Variants in CNTRL observed in about 807,000 individuals in gnomAD.
CNTRL encodes the protein centriolin.
In CNTRL, 233 loss-of-function variants were observed where a neutral mutation model predicts 303.7. The ratio of observed to expected loss-of-function variants is 0.77; its 90% CI spans 0.69 to 0.86. CNTRL has a LOEUF of 0.86. CNTRL is among the 40% of genes least tolerant of loss of function. The pLI is 0.00. For missense variants in CNTRL, 2,524 were observed against 2,650.6 expected (o/e 0.95, Z 1.05); for synonymous variants, 900 against 922.2 (o/e 0.98, Z 0.44).
rs1293049194 is a variant in CNTRL, at chr9:121,154,849, A to G, written c.4301A>G (p.Glu1434Gly). The change falls in exon 27 of 44, where the codon GAG becomes GGG. Residue 1434 changes from glutamate to glycine, a missense_variant. By Grantham distance (98) the Glu-to-Gly change is moderately conservative. Coordinates refer to ENST00000373855, the MANE Select transcript of CNTRL (RefSeq NM_007018.6). ...AAGACTCTTCTGAAACGTCGCTCAG[A>G]GCTCAGGGAAGCTGACCGACTCCTG... ...IEKTLLKRRS[E>G]LREADRLLAE... The G allele has an allele frequency of 6.2e-7, 1 of 1,614,074 alleles. No homozygotes were observed. The highest frequency in any genetic ancestry group is 1.3e-5 in the African/African-American group (1 of 74,938).
At chr9:121,130,564 A>G (rs1455510932) in intron 14 of CNTRL, among the ~76,000 whole-genome samples, 1 of 151,614 alleles carries the variant, frequency 6.6e-6, no homozygotes, top group Admixed American at 6.6e-5. Context: ...TATTTTGTTG[A>G]TCTTTTCAAA....
chr9:121,119,356 C>T (rs921753366), intron 12 of CNTRL, among the ~76,000 whole-genome samples: 4 of 148,252 alleles, frequency 2.7e-5, no homozygotes, highest in African/African-American at 1.0e-4. Context: ...AGTGCAGTGG[C>T]GCAATCTCCG....
chr9:121,135,113 T>G (rs548627388), intron 14 of CNTRL, among the ~76,000 whole-genome samples: 1 of 152,212 alleles, frequency 6.6e-6, no homozygotes, highest in Admixed American at 6.5e-5. Flanking sequence ...TAAGGTTTAA[T>G]CACAAAACAC....
chr9:121,137,317 A>G (rs1364772508), intron 15 of CNTRL, among the ~76,000 whole-genome samples: 1 of 152,160 alleles, frequency 6.6e-6, no homozygotes, highest in Non-Finnish European at 1.5e-5. Context: ...TATCATGCAT[A>G]TGATGATCAT....
intron 8 of CNTRL, chr9:121,111,328 A>G (rs2049737994): frequency 6.6e-6 from 1 of 152,128 alleles, no homozygotes; most frequent in African/African-American, 2.4e-5. Context: ...GGTGGTTGTG[A>G]AGATTTAGTG....
intron 3 of CNTRL, among the ~76,000 whole-genome samples, chr9:121,089,746 A>G (rs150066854): frequency 2.6e-5 from 4 of 152,332 alleles, no homozygotes; most frequent in African/African-American, 9.6e-5. Flanking sequence ...TCATATAGTT[A>G]AAAGTGCAAG....
Position 121,157,841 on chromosome 9 carries a change from TC to T in CNTRL, c.4600del (p.Gln1534AsnfsTer3). Reference sequence around the variant, plus strand: ...ATTGTAGCAGCAAAAGACTCAGACTTCCAATGTTTAAGCAAGAAGAAGGAAA... The same window carrying T: ...ATTGTAGCAGCAAAAGACTCAGACTTCAATGTTTAAGCAAGAAGAAGGAAA... ...NKIVAAKDSD[F>X]QCLSKKKEKL... On this transcript the variant is annotated frameshift_variant, in exon 29 of 44. Coordinates refer to ENST00000373855, the MANE Select transcript of CNTRL (RefSeq NM_007018.6). LOFTEE classifies it high-confidence loss of function. The T allele has an allele frequency of 6.2e-7, 1 of 1,614,112 alleles. No homozygotes were observed. Among genetic ancestry groups the T allele is most frequent in the Non-Finnish European group, 8.5e-7 (1 of 1,180,020 alleles).
intron 14 of CNTRL, among the ~76,000 whole-genome samples, chr9:121,132,036 C>T (rs1342772675): frequency 6.6e-6 from 1 of 152,194 alleles, no homozygotes; most frequent in Non-Finnish European, 1.5e-5. Context: ...GTGGGTAACC[C>T]AGCCTTTCTC....
Position 121,173,398 on chromosome 9 carries a change from A to C in CNTRL, c.6573A>C (p.Glu2191Asp). The change falls in exon 41 of 44, where the codon GAA (glutamate) becomes GAC (aspartate). Residue 2191 changes from glutamate (E) to aspartate (D), a missense_variant. Physicochemically the swap from Glu to Asp is conservative, Grantham distance 45. Coordinates refer to ENST00000373855, the MANE Select transcript of CNTRL (RefSeq NM_007018.6). ...CAGCAGATCTAGAAGCTATTTTGGAAAGAAACGAAAACCTAGAAGGAGAAT... is the reference window on the plus strand; with the variant it reads ...CAGCAGATCTAGAAGCTATTTTGGACAGAAACGAAAACCTAGAAGGAGAAT... ...ELPADLEAILERNENLEGELE... is the reference protein window; with the variant it reads ...ELPADLEAILDRNENLEGELE... The C allele has an allele frequency of 6.2e-7, 1 of 1,614,144 alleles. No individual in the cohort carries two copies. The highest frequency in any genetic ancestry group is 8.5e-7 in the Non-Finnish European group (1 of 1,180,032).
At chr9:121,151,911 C>T (rs2052287027) in intron 25 of CNTRL, 1 of 153,888 alleles carries the variant, frequency 6.5e-6, no homozygotes, top group African/African-American at 2.4e-5. Context: ...TAGTCACTCA[C>T]ATTCTTTTGC....
At chr9:121,141,084 T>C (rs954622725) in intron 17 of CNTRL, among the ~76,000 whole-genome samples, 1 of 152,228 alleles carries the variant, frequency 6.6e-6, no homozygotes, top group African/African-American at 2.4e-5. Flanking sequence ...AGCCACATTA[T>C]ACATTTTAAA....
At position 121,148,703 on chromosome 9, in the gene CNTRL, A is replaced by T; in HGVS notation, c.3491A>T (p.Asp1164Val). ...AGCCATAGTTCCCAGGCCACCAAGG[A>T]CTCTGGTGTTGGCCTTAAGTACTCA... ...VSSHSSQATKDSGVGLKYSAS... is the reference protein window; with the variant it reads ...VSSHSSQATKVSGVGLKYSAS... Residue 1164 changes from aspartate to valine, a missense_variant, in exon 24 of 44, where the codon GAC becomes GTC. Coordinates refer to ENST00000373855, the MANE Select transcript of CNTRL (RefSeq NM_007018.6). 6.2e-7 allele frequency: 1 copy of T among 1,613,814 alleles called. No homozygotes were observed. Among genetic ancestry groups the T allele is most frequent in the South Asian group, 1.1e-5 (1 of 91,064 alleles).
rs1466861040 is a variant in CNTRL at position 121,140,720 on chromosome 9, CAGA to C, written c.2423_2425del (p.Glu808del). The C allele has an allele frequency of 1.2e-6, 2 of 1,613,342 alleles. No individual in the cohort carries two copies. Among genetic ancestry groups the C allele is most frequent in the East Asian group, 2.2e-5 (1 of 44,844 alleles). ...CATGTGGTTGATGGTTTGGTTCGTC[CAGA>C]AGAAGTGGCAGCTCGTGTGGATGAG... On this transcript the variant is annotated inframe_deletion, in exon 17 of 44. Transcript: ENST00000373855.
At chr9:121,110,125 G>A (rs188547532) in intron 8 of CNTRL, among the ~76,000 whole-genome samples, 13 of 152,244 alleles carry the variant, frequency 8.5e-5, no homozygotes, top group Admixed American at 7.9e-4. Context: ...TAGCACTGAA[G>A]TAAGTCTTCT....
chr9:121,176,386 G>A (rs2053524846), intron 43 of CNTRL, among the ~76,000 whole-genome samples: 1 of 152,086 alleles, frequency 6.6e-6, no homozygotes, highest in African/African-American at 2.4e-5. Context: ...ATTAGCAGCA[G>A]GGCCATTAGC....
rs1483215279 is a variant in CNTRL at position 121,075,043 on chromosome 9, G to T, written c.-229G>T. 1 of 439,020 alleles carries T rather than the reference G, an allele frequency of 2.3e-6. No homozygotes were observed. The highest frequency in any genetic ancestry group is 2.4e-5 in the Admixed American group (1 of 41,474). The allele number at this position is 439,020 out of a possible 1,614,324, so 27.2% of individuals were successfully genotyped here. On this transcript the variant is annotated 5_prime_UTR_variant, in exon 1 of 44. Coordinates refer to ENST00000373855, the MANE Select transcript of CNTRL (RefSeq NM_007018.6). ...TCTCCCGCTCTACCTCAGCCTGCGG[G>T]ACTGCTCGGCTCGGCTTCTAGGCGG...
chr9:121,128,427 G>A (rs1283415636), intron 14 of CNTRL, among the ~76,000 whole-genome samples: 2 of 152,252 alleles, frequency 1.3e-5, no homozygotes, highest in East Asian at 3.9e-4. Context: ...GTGTCTGTTG[G>A]CTGCATAAAT....
intron 7 of CNTRL, among the ~76,000 whole-genome samples, chr9:121,101,180 C>T (rs1212061980): frequency 2.0e-5 from 3 of 152,164 alleles, no homozygotes; most frequent in African/African-American, 2.4e-5. Flanking sequence ...TGTAAAAGAA[C>T]AGAAATTATA....
intron 8 of CNTRL, among the ~76,000 whole-genome samples, chr9:121,108,741 C>T (rs1206464604): frequency 6.6e-6 from 1 of 151,288 alleles, no homozygotes. Context: ...CAACATCAGC[C>T]TGGGCAACAT....
Sources: allele counts gnomAD v4.1 joint callset (sites outside exome capture counted in the v4.1 genomes callset), GRCh38; gene constraint gnomAD v4.1.1; transcripts MANE v1.5; gene names NCBI Gene and HGNC (gene_info 2026-07-23, HGNC 2026-07-21).